The following FBP2 variants were observed in gnomAD, a reference collection of about 807,000 sequenced individuals.
The protein encoded by FBP2 is fructose-bisphosphatase 2.
Under a neutral mutation model 31.6 loss-of-function variants are expected in FBP2, and 27 were observed. That is an observed-to-expected ratio of 0.85 (90% CI 0.63 to 1.18). The LOEUF (loss-of-function observed/expected upper bound fraction) is 1.18, where lower values mean the gene tolerates loss of function less well. Ranked by LOEUF, FBP2 falls within the 50% of genes most tolerant of loss-of-function variation. The pLI is 0.00. For synonymous variants in FBP2, 168 were observed against 179.8 expected, an observed-to-expected ratio of 0.93 and a Z score of 0.53; for missense variants, 421 against 436.1, an observed-to-expected ratio of 0.97 and a Z score of 0.31.
chr9:94,579,061 A>G (rs1208678387), intron 3 of FBP2, among the ~76,000 whole-genome samples: 1 of 142,762 alleles, frequency 7.0e-6, no homozygotes, highest in East Asian at 2.0e-4. Context: ...AAAAAAAAAA[A>G]AAAAAAAAGG....
Position 94,563,439 on chromosome 9 carries a change from GC to G in FBP2, c.727del (p.Ala243ProfsTer64), listed in dbSNP as rs1827139020. 6.2e-7 allele frequency: 1 copy of G among 1,613,714 alleles called. No individual in the cohort carries two copies. The highest frequency in any genetic ancestry group is 8.5e-7 in the Non-Finnish European group (1 of 1,179,840). Reference protein sequence around the residue: ...FPEDGSAPYGARYVGSMVADV... With the variant: ...FPEDGSAPYGXRYVGSMVADV... ...AGCCACCATGGAGCCCACATACCTG[GC>G]CCCATAGGGAGCACTGCCATCCTAG... On this transcript the variant is annotated frameshift_variant, in exon 6 of 7. Transcript: ENST00000375337. LOFTEE classifies it high-confidence loss of function.
chr9:94,591,788 T>C lies in FBP2; in HGVS notation c.170+1769A>G, dbSNP rs202044958. 3.0e-4 allele frequency among the ~76,000 whole-genome samples: 46 copies of C among 152,318 alleles called. 1 individual carries two copies. The highest frequency in any genetic ancestry group is 2.7e-3 in the East Asian group (14 of 5,180). On this transcript the variant is annotated intron_variant, in intron 1 of 6. Coordinates refer to ENST00000375337, the MANE Select transcript of FBP2 (RefSeq NM_003837.4). ...CAACCCTAAGAGTTAGGGATGCTAC[T>C]ATACTCTCCATTTCACAAAGGGAAT...
intron 3 of FBP2, among the ~76,000 whole-genome samples, chr9:94,574,874 T>C (rs1827301320): frequency 6.6e-6 from 1 of 152,212 alleles, no homozygotes; most frequent in African/African-American, 2.4e-5. Flanking sequence ...CCAGTTTATA[T>C]CAGCAATCTT....
rs769713594 is a variant in FBP2 at position 94,563,461 on chromosome 9, C to T, written c.706G>A (p.Asp236Asn). The change falls in exon 6 of 7, where the codon GAT (aspartate) becomes AAT (asparagine). Residue 236 changes from aspartate to asparagine, a missense_variant and splice_region_variant. Coordinates refer to ENST00000375337, the MANE Select transcript of FBP2 (RefSeq NM_003837.4). ...CTGGCCCCATAGGGAGCACTGCCAT[C>T]CTAGAAGACAGAAAGCGAAGAGACA... Reference protein sequence around the residue: ...EYVQKKKFPEDGSAPYGARYV... With the variant: ...EYVQKKKFPENGSAPYGARYV... The T allele has an allele frequency of 1.2e-6, 2 of 1,612,396 alleles. No homozygotes were observed. Among genetic ancestry groups the T allele is most frequent in the African/African-American group, 2.7e-5 (2 of 74,882 alleles).
At chr9:94,570,613 C>G (rs1341700040) in intron 4 of FBP2, 1 of 152,200 alleles carries the variant, frequency 6.6e-6, no homozygotes, top group Admixed American at 6.5e-5. Flanking sequence ...TAGAATTTCT[C>G]AGGGTTTGCC....
At chr9:94,560,432 C>G (rs1290482461) in intron 6 of FBP2, among the ~76,000 whole-genome samples, 1 of 152,118 alleles carries the variant, frequency 6.6e-6, no homozygotes, top group Non-Finnish European at 1.5e-5. Context: ...AACACACACC[C>G]CCATCACCTT....
At chr9:94,588,042 G>A (rs563223403) in intron 1 of FBP2, among the ~76,000 whole-genome samples, 1 of 151,786 alleles carries the variant, frequency 6.6e-6, no homozygotes, top group East Asian at 2.0e-4. Flanking sequence ...TAGTAGAGAC[G>A]GGGTTTCACC....
intron 3 of FBP2, among the ~76,000 whole-genome samples, chr9:94,580,693 A>C (rs1827365524): frequency 6.6e-6 from 1 of 152,236 alleles, no homozygotes. Context: ...CCAAAGCTAT[A>C]AAAATTAATC....
chr9:94,584,407 T>G (rs1168996152), intron 3 of FBP2, among the ~76,000 whole-genome samples, 170 bp downstream of exon 3: 1 of 152,222 alleles, frequency 6.6e-6, no homozygotes, highest in Admixed American at 6.5e-5. Flanking sequence ...GCCAATCCAG[T>G]TCTTCTAATG....
intron 2 of FBP2, among the ~76,000 whole-genome samples, chr9:94,585,893 A>G (rs1481352841): frequency 6.6e-6 from 1 of 151,598 alleles, no homozygotes; most frequent in African/African-American, 2.4e-5. Context: ...CTACAGGTGC[A>G]CACCACCATG....
chr9:94,573,843 A>T (rs543830423), intron 3 of FBP2, among the ~76,000 whole-genome samples: 25 of 152,330 alleles, frequency 1.6e-4, no homozygotes, highest in Non-Finnish European at 2.2e-4. Context: ...CATAAAATGA[A>T]TTGGGAAGTG....
chr9:94,563,380 A>C lies in FBP2; in HGVS notation c.787T>G (p.Phe263Val). ...VHRTLVYGGI[F>V]LYPANQKSPK... The stretch of plus-strand genomic sequence containing the variant: ...CTCTTCTGGTTGGCTGGGTACAGGA[A>C]GATTCCTCCATAGACCAGGGTGCGG... The change falls in exon 6 of 7, where the codon TTC becomes GTC. Residue 263 changes from phenylalanine (F) to valine (V), a missense_variant. Transcript: ENST00000375337. The C allele has an allele frequency of 6.2e-7, 1 of 1,614,146 alleles. No individual in the cohort carries two copies. Among genetic ancestry groups the C allele is most frequent in the East Asian group, 2.2e-5 (1 of 44,878 alleles).
rs1827527857 is a variant in FBP2, at chr9:94,593,749, C to T, written c.-23G>A. The T allele has an allele frequency of 1.2e-6, 2 of 1,612,412 alleles. No individual in the cohort carries two copies. The highest frequency in any genetic ancestry group is 1.3e-5 in the African/African-American group (1 of 74,902). The stretch of plus-strand genomic sequence containing the variant: ...CATTTTGGCTGGAATGCTTCAAATC[C>T]TTTTCTCCCGGCAGGAAACCTTGCT... On this transcript the variant is annotated 5_prime_UTR_variant, in exon 1 of 7. Transcript: ENST00000375337.
At chr9:94,590,725 A>C (rs901248123) in intron 1 of FBP2, among the ~76,000 whole-genome samples, 2 of 152,202 alleles carry the variant, frequency 1.3e-5, no homozygotes, top group Non-Finnish European at 2.9e-5. Flanking sequence ...AAAGAGACCC[A>C]AACGGGTTGC....
Position 94,571,588 on chromosome 9 carries a change from C to T in FBP2, c.441G>A (p.Glu147=), listed in dbSNP as rs777280479. The T allele has an allele frequency of 1.2e-6, 2 of 1,613,214 alleles. No homozygotes were observed. The highest frequency in any genetic ancestry group is 1.1e-5 in the South Asian group (1 of 90,846). ...ACTGCAGGGCATCCTTTTCAGAAGGCTCATCCTCTGAGGTCTGTGGAAGAG... is the reference window on the plus strand; with the variant it reads ...ACTGCAGGGCATCCTTTTCAGAAGGTTCATCCTCTGAGGTCTGTGGAAGAG... The part of the protein sequence containing the change: ...FAIYRKTSED[E]PSEKDALQCG... Residue 147 remains glutamate (E), a synonymous_variant, in exon 4 of 7, where the codon GAG becomes GAA. Coordinates refer to ENST00000375337, the MANE Select transcript of FBP2 (RefSeq NM_003837.4).
intron 6 of FBP2, 151 bp from the exon 7 acceptor site, chr9:94,559,283 T>G: frequency 3.0e-6 from 2 of 666,724 alleles, no homozygotes; most frequent in Non-Finnish European, 5.0e-6. Flanking sequence ...GGCCCGAGCT[T>G]TAGAGCCTAC....
intron 1 of FBP2, among the ~76,000 whole-genome samples, chr9:94,589,283 C>G (rs759068926): frequency 6.6e-6 from 1 of 152,226 alleles, no homozygotes; most frequent in African/African-American, 2.4e-5. Flanking sequence ...TGGTCCTTCT[C>G]GCCTTCACTA....
chr9:94,591,407 G>C (rs376542264), intron 1 of FBP2, among the ~76,000 whole-genome samples: 155 of 152,100 alleles, frequency 1.0e-3, no homozygotes, highest in East Asian at 5.8e-3. Context: ...CCCCATTGCC[G>C]GGGGCCAGCA....
At chr9:94,575,848 G>A (rs970194199) in intron 3 of FBP2, among the ~76,000 whole-genome samples, 7 of 152,146 alleles carry the variant, frequency 4.6e-5, no homozygotes, top group African/African-American at 7.2e-5. Flanking sequence ...TCTTCCTAAC[G>A]TAACTGGGCA....
Sources: gnomAD v4.1 joint callset for allele counts (sites outside exome capture counted in the v4.1 genomes callset) on GRCh38, gnomAD v4.1.1 for gene constraint, MANE v1.5 for transcripts, NCBI Gene and HGNC (gene_info 2026-07-23, HGNC 2026-07-21) for gene names.